The following PSMD1 variants were observed in gnomAD, a reference collection of about 807,000 sequenced individuals.
PSMD1 encodes the protein proteasome 26S subunit, non-ATPase 1, also known as 26S proteasome non-ATPase regulatory subunit 1.
A neutral mutation model predicts 119.0 loss-of-function variants in PSMD1; 18 were observed. The ratio of observed to expected loss-of-function variants is 0.15; its 90% confidence interval spans 0.10 to 0.22. The LOEUF (loss-of-function observed/expected upper bound fraction) is 0.22, where lower values mean the gene tolerates loss of function less well. PSMD1 is among the 10% of genes least tolerant of loss of function. The pLI is 1.00. For synonymous variants in PSMD1, 374 were observed against 396.6 expected (o/e 0.94, Z 0.68); for missense variants, 702 against 1,158.5 (o/e 0.61, Z 5.72).
At chr2:231,165,625 C>T (rs1020376863) in intron 22 of PSMD1, among the ~76,000 whole-genome samples, 1 of 152,100 alleles carries the variant, frequency 6.6e-6, no homozygotes, top group East Asian at 1.9e-4. Context: ...TTTAGGTAGA[C>T]CTTTTTCTGA....
Position 231,075,495 on chromosome 2 carries a change from G to A in PSMD1, c.882-16G>A. On this transcript the variant is annotated splice_polypyrimidine_tract_variant and intron_variant, in intron 7 of 24. Transcript: ENST00000308696. ...TACTTCTCTTCAGAAAAAATTATTG[G>A]TTCTTTTCATTTCAGTGACTCGATG... is the stretch of plus-strand genomic sequence containing the variant. 1 of 1,610,510 alleles carries A rather than the reference G, an allele frequency of 6.2e-7. No individual in the cohort carries two copies. The highest frequency in any genetic ancestry group is 8.5e-7 in the Non-Finnish European group (1 of 1,178,176).
In PSMD1 at chr2:231,123,900, A is replaced by G. The variant is rs989847720; in HGVS notation, c.1884-14836A>G. ...GCCAAAGTTGACACCTTCCTTTAAA[A>G]AAAAAAATTCAAGTTCTCTAAAATG... is the stretch of plus-strand genomic sequence containing the variant. On this transcript the variant is annotated intron_variant, in intron 16 of 24. Transcript: ENST00000308696. 1.2e-5 allele frequency: 9 copies of G among 720,622 alleles called. No homozygotes were observed. In the East Asian group the frequency reaches 2.4e-4, roughly 19 times the overall value. 44.6% of individuals were successfully genotyped at this position (720,622 alleles called of 1,614,324 possible).
chr2:231,163,100 C>CA (rs202054935), intron 20 of PSMD1: 26,538 of 101,912 alleles, frequency 0.26, 2,522 homozygotes, highest in East Asian at 0.39. Context: ...AACTCCGTCT[C>CA]AAAAAAAAAA....
intron 16 of PSMD1, chr2:231,108,420 T>C: frequency 1.2e-6 from 1 of 848,732 alleles, no homozygotes; most frequent in Non-Finnish European, 1.9e-6. Context: ...TGATTTGATA[T>C]ATGACATAAA....
chr2:231,096,783 G>C (rs1184474352), intron 16 of PSMD1, among the ~76,000 whole-genome samples: 1 of 152,158 alleles, frequency 6.6e-6, no homozygotes, highest in Non-Finnish European at 1.5e-5. Context: ...CTATTGGCTA[G>C]GGTTAGACCG....
At chr2:231,143,243 GGTTT>G (rs1696171258) in intron 17 of PSMD1, among the ~76,000 whole-genome samples, 1 of 119,822 alleles carries the variant, frequency 8.3e-6, no homozygotes, top group Admixed American at 8.9e-5. Context: ...GGTTTGGTTT[GGTTT>G]AAGACAGAGT....
Position 231,062,551 on chromosome 2 carries a change from A to G in PSMD1, c.180A>G (p.Ala60=). 6.2e-7 allele frequency: 1 copy of G among 1,605,272 alleles called. No individual in the cohort carries two copies. Among genetic ancestry groups the G allele is most frequent in the Non-Finnish European group, 8.5e-7 (1 of 1,177,662 alleles). Reference sequence around the variant, plus strand: ...AAGGTTTCCGGAGTCGGCAGTTTGCAGCCTTAGTGGCATCTAAAGTATTTT... The same window carrying G: ...AAGGTTTCCGGAGTCGGCAGTTTGCGGCCTTAGTGGCATCTAAAGTATTTT... ...EDEGFRSRQF[A]ALVASKVFYH... Residue 60 remains alanine (A), a synonymous_variant, in exon 4 of 25, where the codon GCA becomes GCG. Transcript: ENST00000308696.
chr2:231,166,873 G>C (rs1696797967), intron 23 of PSMD1, among the ~76,000 whole-genome samples: 1 of 152,194 alleles, frequency 6.6e-6, no homozygotes, highest in Non-Finnish European at 1.5e-5. Context: ...TTATCAGCTA[G>C]AAGAGATAAA....
At chr2:231,116,780 T>C (rs1348204369) in intron 16 of PSMD1, among the ~76,000 whole-genome samples, 1 of 152,062 alleles carries the variant, frequency 6.6e-6, no homozygotes, top group Admixed American at 6.6e-5. Context: ...AACAGAAATA[T>C]TGAGATGTGA....
intron 16 of PSMD1, chr2:231,113,843 A>G (rs774421592): frequency 6.2e-7 from 1 of 1,614,182 alleles, no homozygotes; most frequent in Non-Finnish European, 8.5e-7. Context: ...GAAATGGCAC[A>G]GAGATGCATG....
intron 16 of PSMD1, among the ~76,000 whole-genome samples, chr2:231,119,393 GCTCTGAAATAATAAGTGATTGAA>G (rs1400162281): frequency 3.9e-5 from 6 of 152,092 alleles, no homozygotes; most frequent in African/African-American, 1.4e-4. Flanking sequence ...AGGTGATTGA[GCTCTGAAATAATAAGTGATTGAA>G]CTCTGAAATA....
At chr2:231,137,632 G>A (rs753723071) in intron 16 of PSMD1, among the ~76,000 whole-genome samples, 1 of 151,802 alleles carries the variant, frequency 6.6e-6, no homozygotes, top group Non-Finnish European at 1.5e-5. Flanking sequence ...TTTGTGGGAC[G>A]GTAGATCCCG....
Position 231,085,102 on chromosome 2 carries a change from G to A in PSMD1, c.1806G>A (p.Leu602=), listed in dbSNP as rs576544890. ...GTAACAACAAAGCAATTCGACGCCT[G>A]CTACATGTTGCTGTAAGTACTCTGA... ...GSGNNKAIRR[L]LHVAVSDVND... is the part of the protein sequence containing the mutation. The change falls in exon 15 of 25, where the codon CTG becomes CTA. Residue 602 remains leucine (L), a synonymous_variant. Coordinates refer to ENST00000308696, the MANE Select transcript of PSMD1 (RefSeq NM_002807.4). 8.1e-6 allele frequency: 13 copies of A among 1,613,304 alleles called. No individual in the cohort carries two copies. In the South Asian group the frequency reaches 1.3e-4, roughly 16 times the overall value.
intron 16 of PSMD1, among the ~76,000 whole-genome samples, chr2:231,103,456 G>A (rs1269103396): frequency 6.6e-6 from 1 of 152,158 alleles, no homozygotes; most frequent in Non-Finnish European, 1.5e-5. Flanking sequence ...AGTGTCCAGT[G>A]TTCTTCGAGG....
At chr2:231,068,320 C>A (rs954479614) in intron 5 of PSMD1, among the ~76,000 whole-genome samples, 1 of 152,146 alleles carries the variant, frequency 6.6e-6, no homozygotes, top group Non-Finnish European at 1.5e-5. Context: ...TATAATGGCC[C>A]TTGTTTCCCT....
intron 16 of PSMD1, among the ~76,000 whole-genome samples, chr2:231,091,676 G>A (rs1183221716): frequency 1.3e-4 from 20 of 152,164 alleles, no homozygotes. Context: ...ATCCAGGAGA[G>A]ATGTTATCTC....
At chr2:231,061,388 T>C in intron 2 of PSMD1, 78 bp downstream of exon 2, 2 of 1,229,068 alleles carry the variant, frequency 1.6e-6, no homozygotes, top group Non-Finnish European at 2.3e-6. Flanking sequence ...TCTGTAATCT[T>C]CCATCATTTA....
At chr2:231,149,480 C>CA (rs549219870) in intron 18 of PSMD1, among the ~76,000 whole-genome samples, 31 of 152,096 alleles carry the variant, frequency 2.0e-4, no homozygotes, top group Non-Finnish European at 2.9e-4. Flanking sequence ...AAAAAACAAA[C>CA]AAAAAAATCA....
intron 16 of PSMD1, among the ~76,000 whole-genome samples, chr2:231,119,889 AAAC>A (rs1695473561): frequency 6.6e-6 from 1 of 151,098 alleles, no homozygotes; most frequent in Non-Finnish European, 1.5e-5. Flanking sequence ...AAAAAAAAAA[AAAC>A]TTATAAATAA....
Sources: gnomAD v4.1 joint callset for allele counts (sites outside exome capture counted in the v4.1 genomes callset) on GRCh38, gnomAD v4.1.1 for gene constraint, MANE v1.5 for transcripts, NCBI Gene and HGNC (gene_info 2026-07-23, HGNC 2026-07-21) for gene names.